The following SBK1 variants were observed in gnomAD, a reference collection of about 807,000 sequenced individuals.
The protein encoded by SBK1 is SH3 domain binding kinase 1, also known as serine/threonine-protein kinase SBK1.
SBK1 carries 11 observed loss-of-function variants against 24.4 expected under a neutral mutation model. That is an observed-to-expected ratio of 0.45 (90% CI 0.28 to 0.75). The LOEUF (loss-of-function observed/expected upper bound fraction) is 0.75. Ranked by LOEUF, SBK1 falls within the 30% of genes least tolerant of loss-of-function variation. The pLI is 0.12. For synonymous variants in SBK1, 308 were observed against 284.4 expected (o/e 1.08, Z -0.83); for missense variants, 467 against 620.5 (o/e 0.75, Z 2.63).
chr16:28,301,068 C>G (rs1285983566), intron 1 of SBK1, among the ~76,000 whole-genome samples: 2 of 150,712 alleles, frequency 1.3e-5, no homozygotes, highest in African/African-American at 5.0e-5. Context: ...ACATTCAGCC[C>G]AGTCCCCTTG....
In SBK1 at chr16:28,321,218, CACACACACACACACACA is replaced by C; in HGVS notation, c.*298_*314del. ...ACACACACACACACACACACACACA[CACACACACACACACACA>C]CACGCCAGGAGCAAGGGAGCTTTCG... On this transcript the variant is annotated 3_prime_UTR_variant, in exon 4 of 4. Transcript: ENST00000341901. 5.1e-6 allele frequency: 1 copy of C among 194,402 alleles called. No homozygotes were observed. The allele number at this position is 194,402 out of a possible 1,614,324, so 12.0% of individuals were successfully genotyped here.
intron 1 of SBK1, among the ~76,000 whole-genome samples, chr16:28,268,099 T>C (rs1001134158): frequency 3.3e-5 from 5 of 152,058 alleles, no homozygotes; most frequent in Non-Finnish European, 7.4e-5. Context: ...CTGGGCAACA[T>C]GGTGAGACCC....
intron 1 of SBK1, among the ~76,000 whole-genome samples, chr16:28,280,809 C>T (rs530058469): frequency 7.2e-5 from 11 of 152,190 alleles, no homozygotes; most frequent in South Asian, 2.1e-4. Flanking sequence ...GGATTATAGG[C>T]GCATGCCACC....
At chr16:28,276,598 G>C (rs2044494818) in intron 1 of SBK1, among the ~76,000 whole-genome samples, 1 of 152,152 alleles carries the variant, frequency 6.6e-6, no homozygotes, top group Non-Finnish European at 1.5e-5. Flanking sequence ...GCAGAAGGGG[G>C]TTGCTGGGTA....
chr16:28,320,953 G>A lies in SBK1; in HGVS notation c.*32G>A. ...TCCGCCGCCCTCGGACCCGGGAGCA[G>A]CCCGGGCCCGCCCCGAGCCGGTGCC... On this transcript the variant is annotated 3_prime_UTR_variant, in exon 4 of 4. Transcript: ENST00000341901. This position sits in a 1 kb window ranked among gnomAD's most constrained non-coding sequence, Gnocchi z 8.5. The A allele has an allele frequency of 3.0e-6, 4 of 1,353,414 alleles. No individual in the cohort carries two copies. Among genetic ancestry groups the A allele is most frequent in the East Asian group, 7.1e-5 (2 of 28,266 alleles). The allele number at this position is 1,353,414 out of a possible 1,614,324, so 83.8% of individuals were successfully genotyped here.
chr16:28,270,340 G>A (rs796611552), intron 1 of SBK1, among the ~76,000 whole-genome samples: 5 of 151,342 alleles, frequency 3.3e-5, no homozygotes, highest in South Asian at 2.1e-4. Flanking sequence ...AATTACAGGC[G>A]TGAGCCACCA....
chr16:28,277,900 G>A (rs1035714315), intron 1 of SBK1, among the ~76,000 whole-genome samples: 7 of 152,252 alleles, frequency 4.6e-5, no homozygotes, highest in African/African-American at 1.7e-4. Context: ...TATGCGGACC[G>A]GCCGGCAAGC....
intron 1 of SBK1, among the ~76,000 whole-genome samples, chr16:28,269,263 G>A (rs186315518): frequency 5.3e-5 from 8 of 151,846 alleles, no homozygotes; most frequent in African/African-American, 9.7e-5. Flanking sequence ...TCGAATTCCC[G>A]ACCACAGGTG....
At chr16:28,296,619 C>T (rs33957528) in intron 1 of SBK1, among the ~76,000 whole-genome samples, 55,322 of 152,038 alleles carry the variant, frequency 0.36, 10,940 homozygotes, top group South Asian at 0.58. Flanking sequence ...CAAGTTAGAA[C>T]GTGCACAGAA....
chr16:28,279,462 C>T (rs1429852542), intron 1 of SBK1, among the ~76,000 whole-genome samples: 1 of 145,024 alleles, frequency 6.9e-6, no homozygotes, highest in African/African-American at 2.6e-5. Context: ...GAGAAAGAGA[C>T]TGAGGGAGAA....
At chr16:28,293,830 G>A (rs1474179775) in intron 1 of SBK1, among the ~76,000 whole-genome samples, 1 of 152,114 alleles carries the variant, frequency 6.6e-6, no homozygotes, top group African/African-American at 2.4e-5. Context: ...AATGGGAATC[G>A]CATCTTCCCT....
upstream of SBK1, chr16:28,292,225 C>T (rs1433322576): frequency 7.0e-6 from 1 of 143,384 alleles, no homozygotes; most frequent in African/African-American, 2.6e-5. Context: ...CTCGTTCTCG[C>T]CCCCTCGTGG....
chr16:28,268,401 C>T (rs537193738), intron 1 of SBK1, among the ~76,000 whole-genome samples: 13 of 151,356 alleles, frequency 8.6e-5, no homozygotes, highest in Non-Finnish European at 1.6e-4. Context: ...CACCACCACA[C>T]CTGGCTAATT....
At chr16:28,275,009 G>A (rs1456220818) in intron 1 of SBK1, among the ~76,000 whole-genome samples, 1 of 152,136 alleles carries the variant, frequency 6.6e-6, no homozygotes, top group Admixed American at 6.6e-5. Flanking sequence ...CGAGCTAAAA[G>A]AGTTGAGATG....
At chr16:28,272,910 A>G (rs1460305442) in intron 1 of SBK1, among the ~76,000 whole-genome samples, 1 of 151,312 alleles carries the variant, frequency 6.6e-6, no homozygotes, top group Non-Finnish European at 1.5e-5. Context: ...GTGAGCCACC[A>G]TGCCTGGCCT....
intron 1 of SBK1, among the ~76,000 whole-genome samples, chr16:28,270,012 A>T (rs1245959820): frequency 1.3e-5 from 2 of 152,188 alleles, no homozygotes; most frequent in Non-Finnish European, 2.9e-5. Flanking sequence ...ATGGCATCGG[A>T]CTTCTCAACA....
At chr16:28,266,733 CTTTT>C (rs376731367) in intron 1 of SBK1, among the ~76,000 whole-genome samples, 3 of 137,660 alleles carry the variant, frequency 2.2e-5, no homozygotes, top group African/African-American at 8.2e-5. Context: ...TTTTTCTTTT[CTTTT>C]TTTTTTTTTT....
intron 1 of SBK1, among the ~76,000 whole-genome samples, chr16:28,301,038 C>T (rs2044675268): frequency 6.6e-6 from 1 of 150,692 alleles, no homozygotes; most frequent in African/African-American, 2.5e-5. Flanking sequence ...CACCAGAGAC[C>T]ACCACTTGTC....
At chr16:28,302,581 G>A (rs1056996258) in intron 1 of SBK1, among the ~76,000 whole-genome samples, 3 of 152,094 alleles carry the variant, frequency 2.0e-5, no homozygotes, top group African/African-American at 2.4e-5. Flanking sequence ...GCAGGTGGGC[G>A]GGCAGGTGCC....
Sources: gnomAD v4.1 joint callset for allele counts (sites outside exome capture counted in the v4.1 genomes callset) on GRCh38, gnomAD v4.1.1 for gene constraint, Gnocchi (gnomAD v3.1) non-coding constraint, MANE v1.5 for transcripts, NCBI Gene and HGNC (gene_info 2026-07-23, HGNC 2026-07-21) for gene names.